The following PDSS1 variants were observed in gnomAD, a reference collection of about 807,000 sequenced individuals.
PDSS1 encodes all trans-polyprenyl-diphosphate synthase PDSS1.
Under a neutral mutation model 57.5 loss-of-function variants are expected in PDSS1, and 43 were observed. The observed-to-expected ratio is 0.75, with a 90% CI of 0.59 to 0.96. The LOEUF (loss-of-function observed/expected upper bound fraction) is 0.96. PDSS1 is among the 50% of genes least tolerant of loss of function. The pLI, the probability that PDSS1 is intolerant of heterozygous loss-of-function variation, is 0.00. For synonymous variants in PDSS1, 175 were observed against 191.3 expected, an observed-to-expected ratio of 0.91 and a Z score of 0.70; for missense variants, 438 against 527.8, an observed-to-expected ratio of 0.83 and a Z score of 1.67.
chr10:26,716,066 T>C (rs1275092637), intron 5 of PDSS1, among the ~76,000 whole-genome samples: 1 of 152,182 alleles, frequency 6.6e-6, no homozygotes, highest in African/African-American at 2.4e-5. Flanking sequence ...TTAAAAAAAT[T>C]CCCACTGAAG....
chr10:26,730,803 C>T (rs1333995458), intron 8 of PDSS1, among the ~76,000 whole-genome samples: 2 of 152,148 alleles, frequency 1.3e-5, no homozygotes, highest in African/African-American at 4.8e-5. Flanking sequence ...ATGCTATCTT[C>T]CCTTCTTTCT....
At chr10:26,708,463 G>C (rs777970826) in intron 4 of PDSS1, among the ~76,000 whole-genome samples, 1 of 152,132 alleles carries the variant, frequency 6.6e-6, no homozygotes, top group Non-Finnish European at 1.5e-5. Context: ...TTCCTTCCCT[G>C]AACTTTCAAT....
chr10:26,708,968 G>A (rs548427194), intron 4 of PDSS1, among the ~76,000 whole-genome samples: 61 of 152,120 alleles, frequency 4.0e-4, no homozygotes, highest in African/African-American at 1.3e-3. Context: ...TTCAAGCTGC[G>A]AACCAGCCCC....
At chr10:26,724,632 C>A (rs1835894990) in intron 8 of PDSS1, among the ~76,000 whole-genome samples, 1 of 152,130 alleles carries the variant, frequency 6.6e-6, no homozygotes, top group Non-Finnish European at 1.5e-5. Flanking sequence ...GGCTACAAAG[C>A]AGTGGTGTGA....
At chr10:26,734,660 C>T (rs933936783) in intron 8 of PDSS1, 10 of 456,084 alleles carry the variant, frequency 2.2e-5, no homozygotes, top group Admixed American at 1.4e-4. Flanking sequence ...ATATCTGTGT[C>T]TGAAGCAGGA....
intron 8 of PDSS1, among the ~76,000 whole-genome samples, chr10:26,726,239 A>G (rs1835943499): frequency 1.3e-5 from 2 of 152,228 alleles, no homozygotes; most frequent in Admixed American, 6.5e-5. Flanking sequence ...AACAGTGAAC[A>G]TGTTAACGTG....
rs567752424 is a variant in PDSS1, at chr10:26,720,010, G to A, written c.468-208G>A. ...TGGTACAATTTCTACTTCTTCAATGGGGAATTCATAAAATGTAGTTGTGGC... is the reference window on the plus strand; with the variant it reads ...TGGTACAATTTCTACTTCTTCAATGAGGAATTCATAAAATGTAGTTGTGGC... On this transcript the variant is annotated intron_variant, in intron 5 of 11. Transcript: ENST00000376215. The A allele has an allele frequency of 3.5e-4, 227 of 641,480 alleles. 1 individual carries two copies. Among genetic ancestry groups the A allele is most frequent in the Admixed American group, 4.7e-4 (16 of 34,338 alleles). 39.7% of individuals were successfully genotyped at this position (641,480 alleles called of 1,614,324 possible).
intron 6 of PDSS1, among the ~76,000 whole-genome samples, 182 bp from the exon 7 acceptor site, chr10:26,723,624 A>G (rs1835855178): frequency 6.6e-6 from 1 of 152,152 alleles, no homozygotes; most frequent in Non-Finnish European, 1.5e-5. Flanking sequence ...TCCAGTTCAA[A>G]CACTGTTCCA....
intron 4 of PDSS1, among the ~76,000 whole-genome samples, chr10:26,705,636 G>C (rs896590768): frequency 2.0e-5 from 3 of 151,982 alleles, no homozygotes; most frequent in African/African-American, 7.3e-5. Context: ...ATCACACCTG[G>C]GTAATTTTTG....
chr10:26,736,966 GAGGC>G (rs1200701883), intron 10 of PDSS1, among the ~76,000 whole-genome samples: 1 of 152,214 alleles, frequency 6.6e-6, no homozygotes, highest in Non-Finnish European at 1.5e-5. Flanking sequence ...TTAGAAAAAT[GAGGC>G]ACTGGCTACC....
intron 11 of PDSS1, among the ~76,000 whole-genome samples, chr10:26,745,232 T>C (rs188212325): frequency 8.5e-5 from 13 of 152,306 alleles, no homozygotes; most frequent in Admixed American, 2.6e-4. Flanking sequence ...AATAGAATTA[T>C]AGTATATGAC....
intron 2 of PDSS1, among the ~76,000 whole-genome samples, chr10:26,704,264 T>C (rs1007512261): frequency 1.3e-5 from 2 of 152,014 alleles, no homozygotes; most frequent in Non-Finnish European, 2.9e-5. Context: ...TTCCAAAGGA[T>C]GTTGAGGAAC....
chr10:26,702,002 G>A (rs1280494793), intron 1 of PDSS1, 160 bp from the exon 2 acceptor site: 1 of 402,832 alleles, frequency 2.5e-6, no homozygotes, highest in Non-Finnish European at 5.0e-6. Flanking sequence ...GATCATTTTG[G>A]AGCTTTAAGT....
chr10:26,745,671 A>T (rs1016441847), intron 11 of PDSS1, among the ~76,000 whole-genome samples: 2 of 152,018 alleles, frequency 1.3e-5, no homozygotes, highest in African/African-American at 4.8e-5. Flanking sequence ...ACATGACAAA[A>T]CCCCATCTCT....
chr10:26,713,070 G>A (rs1236096618), intron 5 of PDSS1, among the ~76,000 whole-genome samples: 1 of 95,788 alleles, frequency 1.0e-5, no homozygotes, highest in Non-Finnish European at 2.4e-5. Context: ...AGGCAGGCGG[G>A]TCACGAGGTC....
At position 26,704,732 on chromosome 10, in the gene PDSS1, G is replaced by A. The variant is rs759788602; in HGVS notation, c.218G>A (p.Arg73His). Residue 73 changes from arginine to histidine, a missense_variant, in exon 3 of 12, where the codon CGT becomes CAT. This residue lies in a region of PDSS1 where 154 missense variants were observed against 137.0 expected (regional missense o/e 1.12). Transcript: ENST00000376215. Reference sequence around the variant, plus strand: ...ACATCTGCCTGTCCAAATGTATGTCGTATATCACGGTAAGTTTACAGTCCA... The same window carrying A: ...ACATCTGCCTGTCCAAATGTATGTCATATATCACGGTAAGTTTACAGTCCA... ...HLTSACPNVCRISRFHHTTPD... is the reference protein window; with the variant it reads ...HLTSACPNVCHISRFHHTTPD... 1.6e-5 allele frequency: 22 copies of A among 1,407,068 alleles called. No individual in the cohort carries two copies. Among genetic ancestry groups the A allele is most frequent in the Admixed American group, 5.0e-5 (3 of 59,712 alleles). The allele number at this position is 1,407,068 out of a possible 1,614,324, so 87.2% of individuals were successfully genotyped here.
chr10:26,737,297 G>A (rs996110659), intron 10 of PDSS1, among the ~76,000 whole-genome samples: 1 of 152,130 alleles, frequency 6.6e-6, no homozygotes, highest in East Asian at 1.9e-4. Flanking sequence ...TTCGGACTGT[G>A]TTTCACTCTG....
chr10:26,731,279 T>G (rs1420919209), intron 8 of PDSS1, among the ~76,000 whole-genome samples: 1 of 152,160 alleles, frequency 6.6e-6, no homozygotes, highest in Admixed American at 6.5e-5. Flanking sequence ...AGGTGGAGGT[T>G]GTAGTGAGCC....
chr10:26,721,558 A>C (rs1835787089), intron 6 of PDSS1, among the ~76,000 whole-genome samples: 1 of 152,084 alleles, frequency 6.6e-6, no homozygotes, highest in Non-Finnish European at 1.5e-5. Context: ...TTTTATTTCA[A>C]ATTTTAGATT....
Sources: allele counts gnomAD v4.1 joint callset (sites outside exome capture counted in the v4.1 genomes callset), GRCh38; gene constraint gnomAD v4.1.1; regional missense constraint gnomAD v4.1.1; transcripts MANE v1.5; gene names NCBI Gene and HGNC (gene_info 2026-07-23, HGNC 2026-07-21).